PDZRN4: variants seen among roughly 807,000 people sequenced by gnomAD.
PDZRN4 encodes PDZ domain-containing RING finger protein 4.
PDZRN4 carries 70 observed loss-of-function variants against 99.0 expected under a neutral mutation model. That is an observed-to-expected ratio of 0.71 (90% CI 0.58 to 0.86). PDZRN4 has a LOEUF of 0.86. Among genes scored for constraint, PDZRN4 ranks in the 40% least tolerant of loss-of-function variants. PDZRN4 has a pLI of 0.00. For synonymous variants in PDZRN4, 551 were observed against 501.6 expected, an observed-to-expected ratio of 1.10 and a Z score of -1.32; for missense variants, 1,474 against 1,331.2, an observed-to-expected ratio of 1.11 and a Z score of -1.67.
At chr12:41,322,611 C>T (rs1951687512) in intron 3 of PDZRN4, among the ~76,000 whole-genome samples, 1 of 151,214 alleles carries the variant, frequency 6.6e-6, no homozygotes, top group Admixed American at 6.6e-5. Flanking sequence ...CTGCCCCAGC[C>T]TCCTGAGTAG....
intron 3 of PDZRN4, among the ~76,000 whole-genome samples, chr12:41,479,561 G>A (rs753058683): frequency 1.4e-4 from 21 of 152,280 alleles, no homozygotes; most frequent in South Asian, 6.2e-4. Context: ...CATGGGAATC[G>A]TAATCACTGC....
intron 3 of PDZRN4, among the ~76,000 whole-genome samples, chr12:41,445,327 C>T (rs1952716152): frequency 6.6e-6 from 1 of 152,002 alleles, no homozygotes; most frequent in South Asian, 2.1e-4. Context: ...ATCTTATTTA[C>T]ATAATTATTT....
chr12:41,559,249 C>T (rs556640406), intron 7 of PDZRN4, among the ~76,000 whole-genome samples: 1 of 152,172 alleles, frequency 6.6e-6, no homozygotes, highest in Admixed American at 6.5e-5. Context: ...AGGGATTGTG[C>T]AGAAGAGAAA....
intron 3 of PDZRN4, among the ~76,000 whole-genome samples, chr12:41,452,863 CT>C (rs1362745185): frequency 6.6e-6 from 1 of 152,018 alleles, no homozygotes; most frequent in East Asian, 1.9e-4. Context: ...TGTATACTGT[CT>C]TAGGTTAAGT....
chr12:41,327,178 C>T (rs1312288916), intron 3 of PDZRN4, among the ~76,000 whole-genome samples: 1 of 152,146 alleles, frequency 6.6e-6, no homozygotes, highest in East Asian at 1.9e-4. Context: ...CTTGAGCTTA[C>T]ATTGTTCAGG....
At chr12:41,439,937 A>G (rs780894722) in intron 3 of PDZRN4, among the ~76,000 whole-genome samples, 25 of 152,194 alleles carry the variant, frequency 1.6e-4, no homozygotes, top group Non-Finnish European at 3.2e-4. Context: ...TAGATAAGAT[A>G]TCAAAGGAAA....
At chr12:41,382,904 CT>C (rs1398421275) in intron 3 of PDZRN4, among the ~76,000 whole-genome samples, 1 of 152,080 alleles carries the variant, frequency 6.6e-6, no homozygotes, top group Admixed American at 6.6e-5. Flanking sequence ...TAAAGCTGGT[CT>C]TTTTTTGCCA....
At chr12:41,472,078 T>G (rs1172381010) in intron 3 of PDZRN4, among the ~76,000 whole-genome samples, 3 of 151,684 alleles carry the variant, frequency 2.0e-5, no homozygotes, top group Non-Finnish European at 2.9e-5. Flanking sequence ...CTCGGCTCAC[T>G]GCAACCTCCA....
At chr12:41,465,152 C>T (rs1224573775) in intron 3 of PDZRN4, among the ~76,000 whole-genome samples, 3 of 152,116 alleles carry the variant, frequency 2.0e-5, no homozygotes, top group African/African-American at 7.2e-5. Flanking sequence ...TCCCCTAAGA[C>T]AGTGAATATG....
chr12:41,502,539 T>C (rs1278246940), intron 3 of PDZRN4, among the ~76,000 whole-genome samples: 2 of 152,124 alleles, frequency 1.3e-5, no homozygotes, highest in Non-Finnish European at 2.9e-5. Flanking sequence ...CTCCTAACCA[T>C]ATTCATATTT....
intron 3 of PDZRN4, among the ~76,000 whole-genome samples, chr12:41,234,214 A>G (rs1045129543): frequency 6.6e-6 from 1 of 152,116 alleles, no homozygotes; most frequent in African/African-American, 2.4e-5. Context: ...CTTGGCAAGT[A>G]TTGAAACCTG....
chr12:41,261,550 C>T (rs567485024), intron 3 of PDZRN4, among the ~76,000 whole-genome samples: 2 of 152,290 alleles, frequency 1.3e-5, no homozygotes, highest in East Asian at 3.9e-4. Context: ...AGTGCCGTGG[C>T]GCGATCTCGG....
chr12:41,291,904 G>T (rs1951458950), intron 3 of PDZRN4, among the ~76,000 whole-genome samples: 1 of 152,062 alleles, frequency 6.6e-6, no homozygotes, highest in South Asian at 2.1e-4. Context: ...ACCTTACTAG[G>T]AGTCTCAGCA....
intron 5 of PDZRN4, among the ~76,000 whole-genome samples, chr12:41,516,411 A>G (rs1565603867): frequency 6.6e-6 from 1 of 152,060 alleles, no homozygotes; most frequent in Non-Finnish European, 1.5e-5. Flanking sequence ...AGTCCCCAAA[A>G]CAAGTACAAA....
intron 3 of PDZRN4, among the ~76,000 whole-genome samples, chr12:41,225,431 C>G (rs78848940): frequency 2.0e-5 from 2 of 100,112 alleles, no homozygotes; most frequent in Non-Finnish European, 4.6e-5. Flanking sequence ...TTATATTACA[C>G]TGTGTTTTTT....
At chr12:41,287,406 T>C (rs79801957) in intron 3 of PDZRN4, among the ~76,000 whole-genome samples, 1,735 of 152,330 alleles carry the variant, frequency 0.011, 52 homozygotes, top group East Asian at 0.097. Context: ...TTATTAAAAG[T>C]ATCAATTCTA....
chr12:41,501,096 G>A (rs938986581), intron 3 of PDZRN4, among the ~76,000 whole-genome samples: 8 of 152,132 alleles, frequency 5.3e-5, no homozygotes, highest in South Asian at 2.1e-4. Context: ...TTTCAAATTC[G>A]GTTATATCAA....
At chr12:41,564,534 T>C (rs1409559181) in intron 8 of PDZRN4, among the ~76,000 whole-genome samples, 2 of 152,202 alleles carry the variant, frequency 1.3e-5, no homozygotes, top group South Asian at 4.1e-4. Context: ...AACTACATAC[T>C]ATCTATAAAT....
At chr12:41,360,045 T>C (rs749908640) in intron 3 of PDZRN4, among the ~76,000 whole-genome samples, 58 of 152,058 alleles carry the variant, frequency 3.8e-4, no homozygotes, top group Non-Finnish European at 6.9e-4. Context: ...GTAAGCATCA[T>C]CCAATGTGAC....
Sources: gnomAD v4.1 joint callset for allele counts (sites outside exome capture counted in the v4.1 genomes callset) on GRCh38, gnomAD v4.1.1 for gene constraint, MANE v1.5 for transcripts, NCBI Gene and HGNC (gene_info 2026-07-23, HGNC 2026-07-21) for gene names.